Variants in RNGTT observed in about 807,000 individuals in gnomAD.
The protein encoded by RNGTT is mRNA-capping enzyme.
Under a neutral mutation model 79.3 loss-of-function variants are expected in RNGTT, and 33 were observed. The ratio of observed to expected loss-of-function variants is 0.42; its 90% CI spans 0.32 to 0.56. RNGTT has a LOEUF of 0.56. RNGTT is among the 20% of genes least tolerant of loss of function. RNGTT has a pLI of 0.17. For synonymous variants in RNGTT, 222 were observed against 235.9 expected (o/e 0.94, Z 0.54); for missense variants, 497 against 739.1 (o/e 0.67, Z 3.80).
In RNGTT at chr6:88,963,555, G is replaced by C; in HGVS notation, c.-146C>G. 1.4e-6 allele frequency: 1 copy of C among 691,398 alleles called. No individual in the cohort carries two copies. Among genetic ancestry groups the C allele is most frequent in the Non-Finnish European group, 2.2e-6 (1 of 447,362 alleles). The allele number at this position is 691,398 out of a possible 1,614,324, so 42.8% of individuals were successfully genotyped here. On this transcript the variant is annotated 5_prime_UTR_variant, in exon 1 of 16. Coordinates refer to ENST00000369485, the MANE Select transcript of RNGTT (RefSeq NM_003800.5). ...TTCCAACCTCTCCGATCCGGGTAAC[G>C]TCAGGGGCGGCGCGCCACTTTCATT...
At chr6:88,817,853 G>A (rs1235987807) in intron 11 of RNGTT, among the ~76,000 whole-genome samples, 2 of 138,140 alleles carry the variant, frequency 1.4e-5, no homozygotes, top group Non-Finnish European at 3.0e-5. Flanking sequence ...TCCGCCTCCC[G>A]GGTTCATGCC....
intron 12 of RNGTT, among the ~76,000 whole-genome samples, chr6:88,777,253 T>C (rs9451080): frequency 0.14 from 21,019 of 152,202 alleles, 1,594 homozygotes; most frequent in Middle Eastern, 0.24. Context: ...TGGAGCTTAG[T>C]AATATAACTT....
chr6:88,943,016 T>C lies in RNGTT; in HGVS notation c.65-1836A>G, dbSNP rs115267910. On this transcript the variant is annotated intron_variant, in intron 1 of 15. Coordinates refer to ENST00000369485, the MANE Select transcript of RNGTT (RefSeq NM_003800.5). ...GCTCCCCCTCTCACCCTGACTCCTC[T>C]ATGTTTTGTCTCAGGACTCAATCCT... 3.4e-3 allele frequency among the ~76,000 whole-genome samples: 518 copies of C among 152,352 alleles called. 4 individuals are homozygous for C. The highest frequency in any genetic ancestry group is 0.012 in the African/African-American group (495 of 41,586).
At chr6:88,723,146 T>C (rs1776761647) in intron 13 of RNGTT, among the ~76,000 whole-genome samples, 1 of 152,206 alleles carries the variant, frequency 6.6e-6, no homozygotes, top group Non-Finnish European at 1.5e-5. Context: ...AGATTTCAGT[T>C]CCACGTGTGT....
At chr6:88,787,788 G>T (rs984665677) in intron 12 of RNGTT, among the ~76,000 whole-genome samples, 1 of 152,168 alleles carries the variant, frequency 6.6e-6, no homozygotes, top group African/African-American at 2.4e-5. Flanking sequence ...GATTAGAGTA[G>T]TAGCAGTGAC....
At chr6:88,845,231 T>C (rs114759391) in intron 10 of RNGTT, among the ~76,000 whole-genome samples, 1 of 152,272 alleles carries the variant, frequency 6.6e-6, no homozygotes, top group African/African-American at 2.4e-5. Context: ...AGAAGACATG[T>C]ATCAAATACA....
chr6:88,709,743 C>T (rs1776258581), intron 13 of RNGTT, among the ~76,000 whole-genome samples: 1 of 152,226 alleles, frequency 6.6e-6, no homozygotes, highest in Non-Finnish European at 1.5e-5. Context: ...GCACATCTCA[C>T]TACAGTCTAG....
intron 2 of RNGTT, among the ~76,000 whole-genome samples, chr6:88,932,902 T>C (rs2127955334): frequency 6.6e-6 from 1 of 152,290 alleles, no homozygotes; most frequent in Non-Finnish European, 1.5e-5. Flanking sequence ...AAGCATATAC[T>C]CTAATATAAA....
intron 1 of RNGTT, among the ~76,000 whole-genome samples, chr6:88,960,833 C>CTAGGA (rs1308780108): frequency 6.6e-6 from 1 of 152,154 alleles, no homozygotes; most frequent in Non-Finnish European, 1.5e-5. Context: ...AAATTATGAA[C>CTAGGA]TTCTAGTACT....
chr6:88,726,741 TAA>T (rs1047832830), intron 13 of RNGTT, among the ~76,000 whole-genome samples: 1 of 152,192 alleles, frequency 6.6e-6, no homozygotes, highest in Non-Finnish European at 1.5e-5. Flanking sequence ...AGCCAAGCCT[TAA>T]AGTACTACAG....
chr6:88,901,495 C>CATTTTTTTTTTTTTTT (rs1783458450), intron 6 of RNGTT, among the ~76,000 whole-genome samples: 1 of 65,776 alleles, frequency 1.5e-5, no homozygotes, highest in African/African-American at 7.1e-5. Context: ...GCACCCTGAT[C>CATTTTTTTTTTTTTTT]TTTTTTTTTT....
chr6:88,718,243 C>T (rs1197646899), intron 13 of RNGTT, among the ~76,000 whole-genome samples: 2 of 151,828 alleles, frequency 1.3e-5, no homozygotes, highest in South Asian at 2.1e-4. Context: ...AAAAATCAGC[C>T]GGGCGTAGTG....
At position 88,950,095 on chromosome 6, in the gene RNGTT, G is replaced by A. The variant is rs1456189774; in HGVS notation, c.65-8915C>T. Among the ~76,000 whole-genome samples the A allele has an allele frequency of 2.0e-5, 3 of 152,294 alleles. No individual in the cohort carries two copies. In the East Asian group the frequency reaches 5.8e-4, roughly 29 times the overall value. Reference sequence around the variant, plus strand: ...ATTATGCTAAATCTACTCTGTCTGTGCTCTATCAACGAACAACAAAAGCCT... The same window carrying A: ...ATTATGCTAAATCTACTCTGTCTGTACTCTATCAACGAACAACAAAAGCCT... On this transcript the variant is annotated intron_variant, in intron 1 of 15. Coordinates refer to ENST00000369485, the MANE Select transcript of RNGTT (RefSeq NM_003800.5).
chr6:88,612,577 T>A lies in RNGTT; in HGVS notation c.*142A>T, dbSNP rs182343248. On this transcript the variant is annotated 3_prime_UTR_variant, in exon 16 of 16. Coordinates refer to ENST00000369485, the MANE Select transcript of RNGTT (RefSeq NM_003800.5). ...TCAAGTATTTACAGGCTGGCTACGA[T>A]AACTTTCTTTTTTTAAAAAAAATTC... is the stretch of plus-strand genomic sequence containing the variant. 2.9e-5 allele frequency: 26 copies of A among 901,460 alleles called. No homozygotes were observed. In the Admixed American group the frequency reaches 4.5e-4, roughly 16 times the overall value. The allele number at this position is 901,460 out of a possible 1,614,324, so 55.8% of individuals were successfully genotyped here. A position where few individuals can be genotyped will look rare whatever the true frequency, so the allele number is the denominator to read the frequency against.
At chr6:88,736,513 A>G (rs12199540) in intron 13 of RNGTT, among the ~76,000 whole-genome samples, 105,667 of 152,108 alleles carry the variant, frequency 0.69, 37,767 homozygotes, top group African/African-American at 0.86. Context: ...CCATCATTTA[A>G]GAGGAGATAC....
At chr6:88,627,952 T>C (rs1207426562) in intron 14 of RNGTT, among the ~76,000 whole-genome samples, 2 of 152,146 alleles carry the variant, frequency 1.3e-5, no homozygotes, top group East Asian at 3.8e-4. Context: ...ATATGTCCAA[T>C]TGGGTATTTT....
chr6:88,669,965 C>T (rs1774567629), intron 14 of RNGTT, among the ~76,000 whole-genome samples: 1 of 152,200 alleles, frequency 6.6e-6, no homozygotes, highest in African/African-American at 2.4e-5. Context: ...TTATATGGTT[C>T]CAAGCTGTCT....
chr6:88,802,447 T>C (rs1554219195), intron 11 of RNGTT, among the ~76,000 whole-genome samples: 1 of 152,228 alleles, frequency 6.6e-6, no homozygotes, highest in Admixed American at 6.5e-5. Context: ...TCACAGATTT[T>C]TATTATTTTG....
At chr6:88,678,219 G>A (rs1283892446) in intron 14 of RNGTT, 134 bp downstream of exon 14, 3 of 1,336,746 alleles carry the variant, frequency 2.2e-6, no homozygotes, top group African/African-American at 3.0e-5. Flanking sequence ...CTGGGCTCAA[G>A]TGATCCACCT....
Sources: gnomAD v4.1 joint callset for allele counts (sites outside exome capture counted in the v4.1 genomes callset) on GRCh38, gnomAD v4.1.1 for gene constraint, MANE v1.5 for transcripts, NCBI Gene and HGNC (gene_info 2026-07-23, HGNC 2026-07-21) for gene names.